Variants in SCGB2B2 observed in about 807,000 individuals in gnomAD.
SCGB2B2 encodes secretoglobin-like protein.
SCGB2B2 carries 11 observed loss-of-function variants against 7.6 expected under a neutral mutation model. The ratio of observed to expected loss-of-function variants is 1.45; its 90% CI spans 0.91 to 2.40. The LOEUF is 2.40. Ranked by LOEUF, SCGB2B2 falls within the 30% of genes most tolerant of loss-of-function variation. The pLI is 0.00. For missense variants in SCGB2B2, 104 were observed against 115.4 expected, an observed-to-expected ratio of 0.90 and a Z score of 0.45; for synonymous variants, 50 against 48.6, an observed-to-expected ratio of 1.03 and a Z score of -0.12.
At chr19:34,665,508 C>A (rs1600071375) in intron 1 of SCGB2B2, among the ~76,000 whole-genome samples, 1 of 152,202 alleles carries the variant, frequency 6.6e-6, no homozygotes, top group South Asian at 2.1e-4. Context: ...GGCCCTGGCA[C>A]AGAAAGTGCA....
At chr19:34,642,815 A>G (rs1472144407) in intron 1 of SCGB2B2, among the ~76,000 whole-genome samples, 1 of 151,980 alleles carries the variant, frequency 6.6e-6, no homozygotes, top group African/African-American at 2.4e-5. Flanking sequence ...AAAAATGCTC[A>G]GAATCACAAA....
In SCGB2B2 at chr19:34,594,743, TG is replaced by T. The variant is rs1295138386; in HGVS notation, c.-181del. 3.1e-6 allele frequency: 2 copies of T among 644,028 alleles called. No homozygotes were observed. The highest frequency in any genetic ancestry group is 3.6e-5 in the African/African-American group (2 of 55,712). 39.9% of individuals were successfully genotyped at this position (644,028 alleles called of 1,614,324 possible). A position where few individuals can be genotyped will look rare whatever the true frequency, so the allele number is the denominator to read the frequency against. Reference sequence around the variant, plus strand: ...AGGTCTGCAGAGAGACCCTCGGCCCTGGGCCATGCTGTTGGGGTGGCAGCGT... The same window carrying T: ...AGGTCTGCAGAGAGACCCTCGGCCCTGGCCATGCTGTTGGGGTGGCAGCGT... On this transcript the variant is annotated 5_prime_UTR_variant, in exon 2 of 4. It removes the in-frame stop codon of an upstream open reading frame in the 5' UTR. Coordinates refer to ENST00000601241, the MANE Select transcript of SCGB2B2 (RefSeq NM_001025591.4).
rs372742914 is a variant in SCGB2B2, at chr19:34,638,479, A to C, written c.-2032+37151T>G. On this transcript the variant is annotated intron_variant, in intron 1 of 3. Transcript: ENST00000601241. ...AAAAAAGGAACACCCATCCCCCCCC[A>C]AAAAAACAAACAATGACAACAACAA... Among the ~76,000 whole-genome samples, 644 of 151,278 alleles carry C rather than the reference A, an allele frequency of 4.3e-3. 5 individuals carry two copies. Among genetic ancestry groups the C allele is most frequent in the African/African-American group, 0.014 (573 of 41,314 alleles).
At chr19:34,602,190 T>A (rs2065645749) in intron 1 of SCGB2B2, among the ~76,000 whole-genome samples, 1 of 152,208 alleles carries the variant, frequency 6.6e-6, no homozygotes, top group Admixed American at 6.5e-5. Context: ...TTATTTACAT[T>A]TAATAAAATG....
chr19:34,658,699 T>A (rs1365744971), intron 1 of SCGB2B2, among the ~76,000 whole-genome samples: 2 of 151,160 alleles, frequency 1.3e-5, no homozygotes, highest in African/African-American at 4.9e-5. Context: ...CCATTCCTTC[T>A]GAAACTATTC....
chr19:34,654,168 T>C (rs1259007764), intron 1 of SCGB2B2, among the ~76,000 whole-genome samples: 1 of 151,240 alleles, frequency 6.6e-6, no homozygotes, highest in Non-Finnish European at 1.5e-5. Context: ...AAAATATATT[T>C]CAATAAAGCT....
chr19:34,590,915 T>G lies in SCGB2B2; in HGVS notation c.*2640A>C, dbSNP rs1600029441. ...AAAGTATTTATATCAATAACATGTT[T>G]GTCCAAATTTCTCAGGGCATTTCTA... On this transcript the variant is annotated 3_prime_UTR_variant, in exon 4 of 4. Transcript: ENST00000601241. Among the ~76,000 whole-genome samples, 2 of 152,248 alleles carry G rather than the reference T, an allele frequency of 1.3e-5. No individual in the cohort carries two copies. Among genetic ancestry groups the G allele is most frequent in the South Asian group, 4.1e-4 (2 of 4,836 alleles).
intron 1 of SCGB2B2, among the ~76,000 whole-genome samples, chr19:34,611,314 T>C (rs1362365078): frequency 6.6e-6 from 1 of 152,164 alleles, no homozygotes; most frequent in Non-Finnish European, 1.5e-5. Flanking sequence ...CTCAATTTTA[T>C]TTACTTCTGC....
intron 1 of SCGB2B2, among the ~76,000 whole-genome samples, chr19:34,605,705 A>G (rs1371464633): frequency 6.6e-6 from 1 of 152,150 alleles, no homozygotes; most frequent in Admixed American, 6.5e-5. Flanking sequence ...CTCCTGCCTC[A>G]GCCTCCTGAG....
chr19:34,661,899 G>C (rs192695018), intron 1 of SCGB2B2, among the ~76,000 whole-genome samples: 57 of 150,338 alleles, frequency 3.8e-4, no homozygotes, highest in Admixed American at 8.0e-4. Context: ...TAATTTTTTT[G>C]AGATGGAGTC....
At chr19:34,658,834 A>AAAAG (rs1555749405) in intron 1 of SCGB2B2, among the ~76,000 whole-genome samples, 354 of 118,470 alleles carry the variant, frequency 3.0e-3, no homozygotes, top group Non-Finnish European at 5.5e-3. Flanking sequence ...AAAAAAAAAA[A>AAAAG]AGAGAGAGAA....
intron 1 of SCGB2B2, among the ~76,000 whole-genome samples, chr19:34,653,704 T>C (rs2067217525): frequency 6.6e-6 from 1 of 150,822 alleles, no homozygotes; most frequent in African/African-American, 2.5e-5. Context: ...ATTAACAAAA[T>C]AAAGAATAAA....
chr19:34,649,264 G>A (rs771946295), intron 1 of SCGB2B2, among the ~76,000 whole-genome samples: 1 of 152,152 alleles, frequency 6.6e-6, no homozygotes, highest in Non-Finnish European at 1.5e-5. Flanking sequence ...AGTACAGAAG[G>A]TAAACAGTTT....
At chr19:34,671,137 A>G (rs1261135056) in intron 1 of SCGB2B2, among the ~76,000 whole-genome samples, 1 of 152,132 alleles carries the variant, frequency 6.6e-6, no homozygotes, top group African/African-American at 2.4e-5. Context: ...GCTGGTCTTG[A>G]ACTCCTGACC....
downstream of SCGB2B2, among the ~76,000 whole-genome samples, chr19:34,589,924 C>T (rs1239314494): frequency 6.6e-6 from 1 of 152,152 alleles, no homozygotes; most frequent in Non-Finnish European, 1.5e-5. Flanking sequence ...TGGGGATGGC[C>T]TGGAGCCCAG....
chr19:34,606,514 TTTC>T (rs1568430227), intron 1 of SCGB2B2, among the ~76,000 whole-genome samples: 3 of 71,028 alleles, frequency 4.2e-5, no homozygotes, highest in Non-Finnish European at 1.2e-4. Context: ...TTCTTTTCTT[TTTC>T]TTTTTTTTTT....
intron 1 of SCGB2B2, among the ~76,000 whole-genome samples, 163 bp downstream of exon 1, chr19:34,675,467 G>A (rs2067899779): frequency 6.6e-6 from 1 of 152,158 alleles, no homozygotes; most frequent in African/African-American, 2.4e-5. Context: ...GTAAAATGAG[G>A]CTGAGACCTA....
intron 1 of SCGB2B2, among the ~76,000 whole-genome samples, chr19:34,612,018 AATTCTTTTTTTTT>A (rs1361688177): frequency 6.6e-4 from 52 of 78,674 alleles, no homozygotes; most frequent in South Asian, 5.8e-3. Flanking sequence ...TGTTTTAGAA[AATTCTTTTTTTTT>A]TTTTTTTTTT....
intron 1 of SCGB2B2, chr19:34,645,839 T>A (rs2066995488): frequency 4.2e-6 from 1 of 237,726 alleles, no homozygotes; most frequent in African/African-American, 2.3e-5. Context: ...GAGGTTTCAG[T>A]GAATTCTGAC....
Sources: allele counts gnomAD v4.1 joint callset (sites outside exome capture counted in the v4.1 genomes callset), GRCh38; gene constraint gnomAD v4.1.1; transcripts MANE v1.5; gene names NCBI Gene and HGNC (gene_info 2026-07-23, HGNC 2026-07-21).